The following MAP3K15 variants were observed in gnomAD, a reference collection of about 807,000 sequenced individuals.
MAP3K15 encodes the protein mitogen-activated protein kinase kinase kinase 15, also known as MAPK/ERK kinase kinase 15.
In MAP3K15, 124 loss-of-function variants were observed where a neutral mutation model predicts 99.5. The ratio of observed to expected loss-of-function variants is 1.25; its 90% CI spans 1.08 to 1.45. The LOEUF is 1.45. MAP3K15 is among the 40% of genes most tolerant of loss of function. The pLI is 0.00. For synonymous variants in MAP3K15, 494 were observed against 439.6 expected, an observed-to-expected ratio of 1.12 and a Z score of -1.55; for missense variants, 1,242 against 1,079.7, an observed-to-expected ratio of 1.15 and a Z score of -2.11.
chrX:19,434,989 C>A, intron 6 of MAP3K15, among the ~76,000 whole-genome samples: 1 of 112,192 alleles, frequency 8.9e-6, no homozygotes, highest in Middle Eastern at 4.6e-3. Context: ...AACTAACCTG[C>A]AAACTGGATC....
chrX:19,361,460 A>G, intron 27 of MAP3K15, 33 bp downstream of exon 27: 4 of 1,191,867 alleles, frequency 3.4e-6, no homozygotes, highest in Non-Finnish European at 4.6e-6. Flanking sequence ...GCTGTGTAAC[A>G]ACAGCATAAG....
At chrX:19,382,551 A>T (rs916736993) in intron 18 of MAP3K15, among the ~76,000 whole-genome samples, 4 of 112,371 alleles carry the variant, frequency 3.6e-5, no homozygotes, top group Non-Finnish European at 7.5e-5. Context: ...ACTTAAATAT[A>T]AACTTAAATA....
intron 9 of MAP3K15, among the ~76,000 whole-genome samples, chrX:19,422,633 A>T (rs2063796713): frequency 8.9e-6 from 1 of 111,950 alleles, no homozygotes; most frequent in South Asian, 3.7e-4. Context: ...TTCCTCAGAC[A>T]TCTAGAACTA....
intron 8 of MAP3K15, 32 bp downstream of exon 8, chrX:19,426,199 G>A (rs1569221221): frequency 2.5e-6 from 2 of 797,469 alleles, no homozygotes; most frequent in Admixed American, 7.1e-5. Context: ...TATAATCAAA[G>A]CAACAACATC....
chrX:19,411,192 A>T (rs1024546022), intron 11 of MAP3K15, among the ~76,000 whole-genome samples: 1 of 110,964 alleles, frequency 9.0e-6, no homozygotes, highest in Non-Finnish European at 1.9e-5. Flanking sequence ...TCAAAAAAAA[A>T]AAAAAATTCC....
At position 19,373,631 on chromosome X, in the gene MAP3K15, G is replaced by A. The variant is rs61734400; in HGVS notation, c.2838C>T (p.Ser946=). The stretch of plus-strand genomic sequence containing the variant: ...AGTCTGGGGAGACAGAGCCGTGCTC[G>A]CTGCTGCTGGTGGCCATGGGCTCTC... ...TQGEPMATSS[S]EHGSVSPDSD... The change falls in exon 21 of 29, where the codon AGC becomes AGT. Residue 946 remains serine, a synonymous_variant. Coordinates refer to ENST00000338883, the MANE Select transcript of MAP3K15 (RefSeq NM_001001671.4). 8.5e-5 allele frequency: 102 copies of A among 1,196,809 alleles called. No homozygotes were observed. The highest frequency in any genetic ancestry group is 7.0e-4 in the African/African-American group (40 of 57,081).
At chrX:19,436,045 T>TCGGGAGG (rs2063918959) in intron 6 of MAP3K15, among the ~76,000 whole-genome samples, 1 of 109,260 alleles carries the variant, frequency 9.2e-6, no homozygotes, top group Non-Finnish European at 1.9e-5. Context: ...TCCCAGCTAC[T>TCGGGAGG]CGGGAGGCTG....
chrX:19,411,051 G>A (rs185126516), intron 11 of MAP3K15, among the ~76,000 whole-genome samples: 175 of 110,079 alleles, frequency 1.6e-3, no homozygotes, highest in African/African-American at 5.6e-3. Flanking sequence ...GAGCATGGTA[G>A]CACACGCCTG....
intron 3 of MAP3K15, among the ~76,000 whole-genome samples, chrX:19,473,023 C>T (rs1211831180): frequency 8.9e-6 from 1 of 112,020 alleles, no homozygotes; most frequent in Non-Finnish European, 1.9e-5. Context: ...GAAGTCTACC[C>T]CCCAGTCAGC....
intron 3 of MAP3K15, among the ~76,000 whole-genome samples, chrX:19,465,779 C>T (rs1368657920): frequency 9.4e-6 from 1 of 106,480 alleles, no homozygotes; most frequent in Non-Finnish European, 1.9e-5. Flanking sequence ...AAACCAAAAC[C>T]CACAAATACC....
intron 12 of MAP3K15, among the ~76,000 whole-genome samples, chrX:19,409,589 A>C (rs1002382597): frequency 8.9e-6 from 1 of 112,014 alleles, no homozygotes; most frequent in Admixed American, 9.5e-5. Context: ...TCCTGGCTTC[A>C]GTTCTCAGAG....
chrX:19,424,964 A>T (rs112475485), intron 9 of MAP3K15, among the ~76,000 whole-genome samples: 7,288 of 110,092 alleles, frequency 0.066, 612 homozygotes, highest in African/African-American at 0.23. Flanking sequence ...TAATCAACAT[A>T]GGTTGATTCT....
rs780260798 is a variant in MAP3K15, at chrX:19,361,416, C to A, written c.3781-1G>T. ...AAAGTGTATAACCCTCTTCAACAATCTGAAACAAAGATCAGATCCTTAAGA... is the reference window on the plus strand; with the variant it reads ...AAAGTGTATAACCCTCTTCAACAATATGAAACAAAGATCAGATCCTTAAGA... On this transcript the variant is annotated splice_acceptor_variant, in intron 27 of 28. Coordinates refer to ENST00000338883, the MANE Select transcript of MAP3K15 (RefSeq NM_001001671.4). LOFTEE classifies it high-confidence loss of function. 3 of 1,204,886 alleles carry A rather than the reference C, an allele frequency of 2.5e-6. No homozygotes were observed. The highest frequency in any genetic ancestry group is 1.8e-5 in the South Asian group (1 of 56,436).
At chrX:19,462,081 G>A (rs748136695) in intron 4 of MAP3K15, among the ~76,000 whole-genome samples, 1 of 110,031 alleles carries the variant, frequency 9.1e-6, no homozygotes, top group East Asian at 2.8e-4. Context: ...GTAAAATTAG[G>A]CTGTTCATTA....
chrX:19,431,561 T>C lies in MAP3K15; in HGVS notation c.1043A>G (p.Gln348Arg), dbSNP rs1167356836. Residue 348 changes from glutamine to arginine, a missense_variant, in exon 7 of 29, where the codon CAG (glutamine) becomes CGG (arginine). Physicochemically the swap from Gln to Arg is conservative, Grantham distance 43. Transcript: ENST00000338883. ...DREKALQIML[Q>R]VLQSCDHPGP... The stretch of plus-strand genomic sequence containing the variant: ...CGGGTGATCACAGCTCTGCAGAACC[T>C]GGAGCATGATCTGCAGAGCCTTCTC... The C allele has an allele frequency of 8.3e-7, 1 of 1,197,828 alleles. No homozygotes were observed. The highest frequency in any genetic ancestry group is 1.1e-6 in the Non-Finnish European group (1 of 894,444).
chrX:19,379,549 G>A (rs2063444142), intron 19 of MAP3K15, among the ~76,000 whole-genome samples: 1 of 101,614 alleles, frequency 9.8e-6, no homozygotes, highest in African/African-American at 3.7e-5. Flanking sequence ...CTGGATTCAA[G>A]CGATTCTCCT....
At chrX:19,368,147 T>A (rs2063348743) in intron 25 of MAP3K15, among the ~76,000 whole-genome samples, 1 of 110,199 alleles carries the variant, frequency 9.1e-6, no homozygotes, top group African/African-American at 3.3e-5. Context: ...TTTCTTCCCC[T>A]TTTTTTCTTT....
At chrX:19,415,797 C>G (rs12013987) in intron 9 of MAP3K15, among the ~76,000 whole-genome samples, 1 of 111,566 alleles carries the variant, frequency 9.0e-6, no homozygotes, top group Non-Finnish European at 1.9e-5. Flanking sequence ...TTATCATTTA[C>G]TACCCAACAT....
chrX:19,391,674 C>CAAA (rs759061873), intron 18 of MAP3K15, among the ~76,000 whole-genome samples: 104 of 28,338 alleles, frequency 3.7e-3, no homozygotes, highest in African/African-American at 6.5e-3. Flanking sequence ...GACCCCGTCT[C>CAAA]AAAAAAAAAA....
Sources: gnomAD v4.1 joint callset for allele counts (sites outside exome capture counted in the v4.1 genomes callset) on GRCh38, gnomAD v4.1.1 for gene constraint, MANE v1.5 for transcripts, NCBI Gene and HGNC (gene_info 2026-07-23, HGNC 2026-07-21) for gene names.